HSF1: variants seen among roughly 807,000 people sequenced by gnomAD.
HSF1 encodes heat shock transcription factor 1, also known as heat shock factor protein 1.
Under a neutral mutation model 51.7 loss-of-function variants are expected in HSF1, and 32 were observed. That is an observed-to-expected ratio of 0.62 (90% confidence interval 0.47 to 0.83). The LOEUF is 0.83. HSF1 is among the 40% of genes least tolerant of loss of function. The pLI, the probability that HSF1 is intolerant of heterozygous loss-of-function variation, is 0.00. For synonymous variants in HSF1, 396 were observed against 309.7 expected (o/e 1.28, Z -2.92); for missense variants, 727 against 717.0 (o/e 1.01, Z -0.16).
intron 1 of HSF1, among the ~76,000 whole-genome samples, chr8:144,307,179 G>A (rs1554843458): frequency 6.6e-6 from 1 of 152,256 alleles, no homozygotes; most frequent in East Asian, 1.9e-4. Flanking sequence ...GCCTCAGGCA[G>A]CCACAGCGTT....
intron 9 of HSF1, chr8:144,312,912 G>A: frequency 1.7e-6 from 1 of 597,978 alleles, no homozygotes; most frequent in South Asian, 2.0e-5. Flanking sequence ...TGACAGGGAT[G>A]ACAGGGACAG....
chr8:144,299,376 G>T (rs1476910725), intron 1 of HSF1, among the ~76,000 whole-genome samples: 1 of 151,438 alleles, frequency 6.6e-6, no homozygotes, highest in Non-Finnish European at 1.5e-5. Context: ...GGCAGAGGTT[G>T]CAGTGAGCCG....
At chr8:144,305,973 C>A (rs1384291247) in intron 1 of HSF1, among the ~76,000 whole-genome samples, 1 of 151,958 alleles carries the variant, frequency 6.6e-6, no homozygotes, top group Non-Finnish European at 1.5e-5. Context: ...CTCAGGTGAT[C>A]CGCCTGCCTT....
rs181090895 is a variant in HSF1 at position 144,312,821 on chromosome 8, C to T, written c.1142+577C>T. 618 of 978,906 alleles carry T rather than the reference C, an allele frequency of 6.3e-4. 3 individuals carry two copies. The African/African-American group carries it at 8.7e-3, about 14-fold the overall frequency. The allele number at this position is 978,906 out of a possible 1,614,324, so 60.6% of individuals were successfully genotyped here. A position where few individuals can be genotyped will look rare whatever the true frequency, so the allele number is the denominator to read the frequency against. On this transcript the variant is annotated intron_variant, in intron 9 of 12. Transcript: ENST00000528838. The stretch of plus-strand genomic sequence containing the variant: ...GCCGGGCATGAGCGTCGGGCCTGGG[C>T]GGCAGCAGCCGAGACCCCTCTGTGG...
chr8:144,296,775 C>T (rs1223725961), intron 1 of HSF1, among the ~76,000 whole-genome samples: 2 of 150,108 alleles, frequency 1.3e-5, no homozygotes, highest in African/African-American at 4.9e-5. Flanking sequence ...CCATTGCACT[C>T]CAGCCTGGGT....
rs1816687539 is a variant in HSF1 at position 144,311,842 on chromosome 8, G to A, written c.860+6G>A. 3 of 1,599,030 alleles carry A rather than the reference G, an allele frequency of 1.9e-6. No individual in the cohort carries two copies. The highest frequency in any genetic ancestry group is 1.1e-5 in the South Asian group (1 of 88,758). ...GGCGGGAGCATAGACGAGAGGTGGG[G>A]GCCGCATCACCCCAGCCATCCTGTC... On this transcript the variant is annotated splice_donor_region_variant and intron_variant, in intron 8 of 12. Transcript: ENST00000528838.
At chr8:144,309,978 T>C in intron 4 of HSF1, 82 bp downstream of exon 4, 2 of 1,509,044 alleles carry the variant, frequency 1.3e-6, no homozygotes, top group Non-Finnish European at 1.8e-6. Context: ...GGCAGGGCCC[T>C]GACCGGGGCC....
At chr8:144,305,824 C>T (rs1156532488) in intron 1 of HSF1, among the ~76,000 whole-genome samples, 1 of 148,768 alleles carries the variant, frequency 6.7e-6, no homozygotes, top group Non-Finnish European at 1.5e-5. Context: ...CCTCTGCCTC[C>T]CGGGTTCAAA....
intron 1 of HSF1, chr8:144,293,598 C>T (rs868933627): frequency 3.3e-5 from 5 of 151,802 alleles, no homozygotes; most frequent in African/African-American, 9.7e-5. Flanking sequence ...CTGCCACACC[C>T]GGCTGATTGT....
intron 8 of HSF1, 26 bp from the exon 9 acceptor site, chr8:144,311,937 G>C (rs983653665): frequency 6.3e-7 from 1 of 1,581,352 alleles, no homozygotes; most frequent in Non-Finnish European, 8.6e-7. Flanking sequence ...CGAGACGCCA[G>C]CTCACCTGGC....
rs202076852 is a variant in HSF1 at position 144,309,748 on chromosome 8, C to T, written c.364-24C>T. Reference sequence around the variant, plus strand: ...CCAAGCTCCTAGGCTGCTCCAGTGACTCCTGTCCCTCTCGGGAATCCAGGT... The same window carrying T: ...CCAAGCTCCTAGGCTGCTCCAGTGATTCCTGTCCCTCTCGGGAATCCAGGT... On this transcript the variant is annotated intron_variant, in intron 3 of 12. Coordinates refer to ENST00000528838, the MANE Select transcript of HSF1 (RefSeq NM_005526.4). 4.4e-4 allele frequency: 715 copies of T among 1,611,610 alleles called. No homozygotes were observed. The African/African-American group carries it at 8.9e-3, about 20-fold the overall frequency.
intron 1 of HSF1, among the ~76,000 whole-genome samples, chr8:144,301,373 C>T (rs1404519165): frequency 2.6e-5 from 4 of 151,382 alleles, no homozygotes; most frequent in East Asian, 1.9e-4. Context: ...GAGCCATGAT[C>T]GTACCACTGC....
At chr8:144,307,856 TC>T (rs1259735335) in intron 1 of HSF1, among the ~76,000 whole-genome samples, 1 of 152,218 alleles carries the variant, frequency 6.6e-6, no homozygotes, top group Non-Finnish European at 1.5e-5. Flanking sequence ...GAATAAATGC[TC>T]CCCGTGCTAC....
intron 1 of HSF1, among the ~76,000 whole-genome samples, chr8:144,300,030 C>T (rs1815748084): frequency 1.3e-5 from 2 of 152,176 alleles, no homozygotes; most frequent in Admixed American, 6.5e-5. Context: ...GATAGTTCCC[C>T]TTCGAGGAGG....
At chr8:144,305,740 T>G (rs1405787594) in intron 1 of HSF1, among the ~76,000 whole-genome samples, 1 of 139,140 alleles carries the variant, frequency 7.2e-6, no homozygotes, top group Non-Finnish European at 1.6e-5. Context: ...TTTTTTTTTT[T>G]TTTTTTTTTT....
At chr8:144,308,537 G>T (rs1213986205) in intron 1 of HSF1, among the ~76,000 whole-genome samples, 1 of 151,290 alleles carries the variant, frequency 6.6e-6, no homozygotes, top group Non-Finnish European at 1.5e-5. Flanking sequence ...TGGCCAGAGT[G>T]CGGCGGGTGC....
At chr8:144,305,072 C>A (rs1440599894) in intron 1 of HSF1, among the ~76,000 whole-genome samples, 1 of 151,194 alleles carries the variant, frequency 6.6e-6, no homozygotes, top group Non-Finnish European at 1.5e-5. Flanking sequence ...CTCAGCCTCC[C>A]GAGTAGCTGG....
In HSF1 at chr8:144,311,951, C is replaced by T; in HGVS notation, c.861-12C>T. ...CCGAGACGCCAGCTCACCTGGCCCC[C>T]CTCGTGTGCAGGCCCCTATCCAGCA... is the stretch of plus-strand genomic sequence containing the variant. On this transcript the variant is annotated splice_polypyrimidine_tract_variant and intron_variant, in intron 8 of 12. Transcript: ENST00000528838. The T allele has an allele frequency of 1.9e-6, 3 of 1,580,474 alleles. No individual in the cohort carries two copies. The highest frequency in any genetic ancestry group is 2.6e-6 in the Non-Finnish European group (3 of 1,163,686).
rs782337245 is a variant in HSF1, at chr8:144,291,882, C to T, written c.117+8C>T. The T allele has an allele frequency of 4.0e-6, 6 of 1,491,746 alleles. No individual in the cohort carries two copies. Among genetic ancestry groups the T allele is most frequent in the Non-Finnish European group, 5.4e-6 (6 of 1,119,884 alleles). 92.4% of individuals were successfully genotyped at this position (1,491,746 alleles called of 1,614,324 possible). A position where few individuals can be genotyped will look rare whatever the true frequency, so the allele number is the denominator to read the frequency against. The stretch of plus-strand genomic sequence containing the variant: ...CTCATCTGCTGGAGCCCGGTGAGGG[C>T]AGCGCGCGGGCGCGGGGCCCGTGGG... On this transcript the variant is annotated splice_region_variant and intron_variant, in intron 1 of 12. Transcript: ENST00000528838. The surrounding 1 kb of genome is among the most constrained non-coding windows in gnomAD (Gnocchi z 4.1).
Sources: allele counts gnomAD v4.1 joint callset (sites outside exome capture counted in the v4.1 genomes callset), GRCh38; gene constraint gnomAD v4.1.1; non-coding constraint Gnocchi (gnomAD v3.1); transcripts MANE v1.5; gene names NCBI Gene and HGNC (gene_info 2026-07-23, HGNC 2026-07-21).